Variants in TMSB15B observed in about 807,000 individuals in gnomAD.
TMSB15B encodes thymosin beta 15B.
chrX:103,933,689 C>T (rs2074990200), intron 1 of TMSB15B, among the ~76,000 whole-genome samples: 1 of 111,829 alleles, frequency 8.9e-6, no homozygotes, highest in African/African-American at 3.2e-5. Flanking sequence ...CTCCACATTG[C>T]TTGTGATACT....
intron 1 of TMSB15B, among the ~76,000 whole-genome samples, chrX:103,927,098 G>C (rs2074970445): frequency 9.0e-6 from 1 of 111,077 alleles, no homozygotes; most frequent in African/African-American, 3.3e-5. Context: ...CTAGCCATCT[G>C]CTTCCTGGCC....
At chrX:103,945,538 G>A (rs1446547971) in intron 1 of TMSB15B, among the ~76,000 whole-genome samples, 10 of 112,406 alleles carry the variant, frequency 8.9e-5, no homozygotes, top group African/African-American at 2.9e-4. Flanking sequence ...CTTCATGAGA[G>A]TGAATCCTTA....
chrX:103,949,517 T>C (rs1230620930), intron 1 of TMSB15B, among the ~76,000 whole-genome samples: 4 of 111,621 alleles, frequency 3.6e-5, no homozygotes, highest in Non-Finnish European at 5.6e-5. Flanking sequence ...GATTTCCTGA[T>C]GGATTGGAGA....
intron 1 of TMSB15B, chrX:103,927,967 G>A (rs1254353914): frequency 1.3e-5 from 5 of 395,300 alleles, no homozygotes; most frequent in East Asian, 7.7e-5. Context: ...TGTTTCTGTC[G>A]ACCTGAGTTT....
At chrX:103,941,013 G>T (rs2075011287) in intron 1 of TMSB15B, among the ~76,000 whole-genome samples, 1 of 111,096 alleles carries the variant, frequency 9.0e-6, no homozygotes, top group Non-Finnish European at 1.9e-5. Flanking sequence ...ACCCCACCCT[G>T]CTTCTGCTCG....
chrX:103,937,937 A>G (rs1412802361), intron 1 of TMSB15B, among the ~76,000 whole-genome samples: 1 of 111,799 alleles, frequency 8.9e-6, no homozygotes, highest in Non-Finnish European at 1.9e-5. Context: ...CCCAGTAGTC[A>G]TTCAGGAGCA....
chrX:103,943,090 C>T (rs142746328), intron 1 of TMSB15B, among the ~76,000 whole-genome samples: 128 of 111,582 alleles, frequency 1.1e-3, no homozygotes, highest in African/African-American at 4.1e-3. Flanking sequence ...TGGGACAACT[C>T]TGAGATAGAG....
chrX:103,934,008 C>T (rs563159347), intron 1 of TMSB15B, among the ~76,000 whole-genome samples: 1 of 111,400 alleles, frequency 9.0e-6, no homozygotes, highest in African/African-American at 3.3e-5. Flanking sequence ...CATTCCAAAT[C>T]TCTTCTAGCT....
At chrX:103,941,344 A>C (rs200032146) in intron 1 of TMSB15B, among the ~76,000 whole-genome samples, 1 of 112,043 alleles carries the variant, frequency 8.9e-6, no homozygotes, top group East Asian at 2.8e-4. Context: ...TACGGTTTAA[A>C]ACATTTTTTT....
intron 1 of TMSB15B, among the ~76,000 whole-genome samples, chrX:103,930,483 AT>A (rs1216006982): frequency 9.0e-6 from 1 of 110,744 alleles, no homozygotes; most frequent in Non-Finnish European, 1.9e-5. Flanking sequence ...CGTAAAACTT[AT>A]TGAAAGCAGG....
chrX:103,928,769 C>T (rs2074976543), intron 1 of TMSB15B: 1 of 1,179,192 alleles, frequency 8.5e-7, no homozygotes, highest in Non-Finnish European at 1.2e-6. Flanking sequence ...GAAACAATCA[C>T]CTGCCTAGTT....
chrX:103,955,644 G>A (rs1556329009), intron 1 of TMSB15B, among the ~76,000 whole-genome samples: 3 of 111,319 alleles, frequency 2.7e-5, no homozygotes, highest in Non-Finnish European at 5.6e-5. Flanking sequence ...ATGGGATTAT[G>A]TAAAGAGACT....
chrX:103,928,101 G>A (rs2074974068), intron 1 of TMSB15B: 9 of 1,098,013 alleles, frequency 8.2e-6, no homozygotes, highest in Non-Finnish European at 1.1e-5. Flanking sequence ...TTCAGCATGG[G>A]GGAGCAGAAC....
At chrX:103,942,089 T>A (rs1386167921) in intron 1 of TMSB15B, among the ~76,000 whole-genome samples, 1 of 112,277 alleles carries the variant, frequency 8.9e-6, no homozygotes, top group Non-Finnish European at 1.9e-5. Flanking sequence ...TGATTTCTTT[T>A]GATAAACATA....
intron 1 of TMSB15B, among the ~76,000 whole-genome samples, chrX:103,930,279 A>G (rs2074980940): frequency 9.0e-6 from 1 of 110,910 alleles, no homozygotes; most frequent in African/African-American, 3.3e-5. Flanking sequence ...GTCTACCAAA[A>G]TCCTTCCAGC....
At chrX:103,930,723 T>TTGATGA (rs200465669) in intron 1 of TMSB15B, among the ~76,000 whole-genome samples, 6 of 74,576 alleles carry the variant, frequency 8.0e-5, no homozygotes, top group Non-Finnish European at 1.5e-4. Flanking sequence ...AATGATGCTG[T>TTGATGA]TGATAATAAT....
rs10681462 is a variant in TMSB15B at position 103,930,725 on chromosome X, GATAATAATAATAATAATA to G, written c.-721+11459_-721+11476del. Among the ~76,000 whole-genome samples, 270 of 93,054 alleles carry G rather than the reference GATAATAATAATAATAATA, an allele frequency of 2.9e-3. 3 individuals are homozygous for G. The highest frequency in any genetic ancestry group is 0.01 in the African/African-American group (255 of 25,467). The allele number at this position is 93,054 out of a possible 115,157, so 80.8% of individuals were successfully genotyped here. ...TTGTGCTAATGATAATGATGCTGTT[GATAATAATAATAATAATA>G]ATAATAATAATAATAATAATAATAA... On this transcript the variant is annotated intron_variant, in intron 1 of 3. Transcript: ENST00000419165.
chrX:103,930,093 C>T (rs2074980423), intron 1 of TMSB15B, among the ~76,000 whole-genome samples: 1 of 110,941 alleles, frequency 9.0e-6, no homozygotes, highest in African/African-American at 3.3e-5. Context: ...CATTCAGAGC[C>T]ATTCAAAATA....
chrX:103,950,215 AC>A (rs1473245384), intron 1 of TMSB15B, among the ~76,000 whole-genome samples: 1 of 111,364 alleles, frequency 9.0e-6, no homozygotes, highest in African/African-American at 3.3e-5. Flanking sequence ...AATAGAGACC[AC>A]TATTACAAAG....
Sources: gnomAD v4.1 joint callset for allele counts (sites outside exome capture counted in the v4.1 genomes callset) on GRCh38, gnomAD v4.1.1 for gene constraint, MANE v1.5 for transcripts, NCBI Gene and HGNC (gene_info 2026-07-23, HGNC 2026-07-21) for gene names.